Variants in UNC45B observed in about 807,000 individuals in gnomAD.
UNC45B encodes the protein protein unc-45 homolog B.
In UNC45B, 78 loss-of-function variants were observed where a neutral mutation model predicts 98.7. The observed-to-expected ratio is 0.79, with a 90% confidence interval of 0.66 to 0.95. The LOEUF is 0.95. UNC45B is among the 40% of genes least tolerant of loss of function. The pLI, the probability that UNC45B is intolerant of heterozygous loss-of-function variation, is 0.00. For synonymous variants in UNC45B, 462 were observed against 480.4 expected (o/e 0.96, Z 0.50); for missense variants, 1,225 against 1,184.9 (o/e 1.03, Z -0.50).
chr17:35,148,149 C>T, intron 1 of UNC45B, 115 bp from the exon 2 acceptor site: 1 of 1,189,370 alleles, frequency 8.4e-7, no homozygotes, highest in Non-Finnish European at 1.2e-6. Flanking sequence ...CAGGCAGAAT[C>T]CCCACCATCC....
chr17:35,152,259 A>C (rs2092025224), intron 4 of UNC45B, among the ~76,000 whole-genome samples: 1 of 152,162 alleles, frequency 6.6e-6, no homozygotes, highest in Admixed American at 6.5e-5. Context: ...AAAAAAAATT[A>C]AAAATTAAAA....
chr17:35,155,478 T>C lies in UNC45B; in HGVS notation c.808+14T>C. ...CCCTGGTTCTAGGTAGGAAACATTCTTCAGTTTTGATTCAAGGGGATGGGG... is the reference window on the plus strand; with the variant it reads ...CCCTGGTTCTAGGTAGGAAACATTCCTCAGTTTTGATTCAAGGGGATGGGG... On this transcript the variant is annotated intron_variant, in intron 7 of 19. Transcript: ENST00000394570. 1 of 1,612,904 alleles carries C rather than the reference T, an allele frequency of 6.2e-7. No individual in the cohort carries two copies. The highest frequency in any genetic ancestry group is 1.1e-5 in the South Asian group (1 of 90,988).
intron 2 of UNC45B, 118 bp from the exon 3 acceptor site, chr17:35,148,855 C>A: frequency 7.9e-7 from 1 of 1,261,664 alleles, no homozygotes; most frequent in Non-Finnish European, 1.1e-6. Flanking sequence ...TGCCCTGGGC[C>A]TCTGACAGCC....
At chr17:35,167,180 G>C (rs1050167095) in intron 9 of UNC45B, among the ~76,000 whole-genome samples, 15 of 152,214 alleles carry the variant, frequency 9.9e-5, no homozygotes, top group Non-Finnish European at 1.8e-4. Flanking sequence ...AGGCCTTTTT[G>C]TGTTGTTGTC....
intron 6 of UNC45B, 55 bp downstream of exon 6, chr17:35,154,796 G>C (rs1437616265): frequency 6.7e-7 from 1 of 1,500,074 alleles, no homozygotes; most frequent in Non-Finnish European, 8.8e-7. Flanking sequence ...CCAAGGATCC[G>C]GAGGGTGACG....
intron 5 of UNC45B, among the ~76,000 whole-genome samples, chr17:35,153,487 T>A (rs1279742916): frequency 6.7e-6 from 1 of 148,954 alleles, no homozygotes; most frequent in East Asian, 1.9e-4. Flanking sequence ...CTTGTTACCT[T>A]TTTTTTTTAT....
intron 18 of UNC45B, among the ~76,000 whole-genome samples, chr17:35,182,772 G>A (rs2092281820): frequency 6.6e-6 from 1 of 152,074 alleles, no homozygotes; most frequent in African/African-American, 2.4e-5. Flanking sequence ...CCCTTTTGGA[G>A]TTCCACTTCT....
At position 35,148,286 on chromosome 17, in the gene UNC45B, A is replaced by G. The variant is rs1221608875; in HGVS notation, c.23A>G (p.Gln8Arg). The G allele has an allele frequency of 6.2e-7, 1 of 1,614,066 alleles. No homozygotes were observed. Residue 8 changes from glutamine (Q) to arginine (R), a missense_variant, in exon 2 of 20, where the codon CAG becomes CGG. Physicochemically the swap from Gln to Arg is conservative, Grantham distance 43. Coordinates refer to ENST00000394570, the MANE Select transcript of UNC45B (RefSeq NM_001267052.2). ...CAGATGGCAGAGGTGGAAGCGGTAC[A>G]GCTGAAGGAGGAAGGAAACCGGCAT... MAEVEAV[Q>R]LKEEGNRHFQ... is the part of the protein sequence containing the mutation.
rs1341280781 is a variant in UNC45B, at chr17:35,150,154, C to T, written c.312C>T (p.Ala104=). 5.0e-6 allele frequency: 8 copies of T among 1,613,692 alleles called. No individual in the cohort carries two copies. The highest frequency in any genetic ancestry group is 6.8e-6 in the Non-Finnish European group (8 of 1,179,842). The change falls in exon 4 of 20, where the codon GCC becomes GCT. Residue 104 remains alanine (A), a synonymous_variant. Transcript: ENST00000394570. ...DQAFKDVQRC[A]TLEPRNQNFQ... is the part of the protein sequence containing the mutation. ...CCTTCAAAGACGTGCAGCGTTGTGC[C>T]ACCCTCGAGCCACGGAACCAGAACT... is the stretch of plus-strand genomic sequence containing the variant.
At chr17:35,178,137 T>C (rs2092249135) in intron 17 of UNC45B, among the ~76,000 whole-genome samples, 2 of 152,166 alleles carry the variant, frequency 1.3e-5, no homozygotes, top group South Asian at 4.1e-4. Flanking sequence ...TGACCTCAGG[T>C]GATCTGCCCG....
chr17:35,162,338 G>A (rs2142550715), intron 8 of UNC45B, among the ~76,000 whole-genome samples: 1 of 152,308 alleles, frequency 6.6e-6, no homozygotes, highest in East Asian at 1.9e-4. Context: ...TGAATTGTAG[G>A]ACACCCATCC....
rs1303903235 is a variant in UNC45B at position 35,177,309 on chromosome 17, C to T, written c.2139+179C>T. On this transcript the variant is annotated intron_variant, in intron 16 of 19. Transcript: ENST00000394570. ...TTCTGCCTCTGACAAACCGGATTGC[C>T]CTCTCCAAAATTCAGTTATCCTATC... is the stretch of plus-strand genomic sequence containing the variant. Among the ~76,000 whole-genome samples the T allele has an allele frequency of 6.6e-5, 10 of 152,262 alleles. No individual in the cohort carries two copies. The East Asian group carries it at 1.7e-3, about 26-fold the overall frequency.
In UNC45B at chr17:35,159,172, G is replaced by A. The variant is rs2046237; in HGVS notation, c.809-203G>A. On this transcript the variant is annotated intron_variant, in intron 7 of 19. Transcript: ENST00000394570. ...GTAGAAGTCAGGGTTCAGGGTGGCTGGAGGACCACTTGGGGGTGTTGTCTA... is the reference window on the plus strand; with the variant it reads ...GTAGAAGTCAGGGTTCAGGGTGGCTAGAGGACCACTTGGGGGTGTTGTCTA... 0.18 allele frequency among the ~76,000 whole-genome samples: 27,769 copies of A among 152,064 alleles called. 3,142 individuals carry two copies. The highest frequency in any genetic ancestry group is 0.31 in the African/African-American group (13,024 of 41,452).
chr17:35,158,364 G>T (rs1191260297), intron 7 of UNC45B, among the ~76,000 whole-genome samples: 3 of 152,132 alleles, frequency 2.0e-5, no homozygotes, highest in Non-Finnish European at 2.9e-5. Flanking sequence ...GGCCAGCTTG[G>T]GTTTCTATAG....
At chr17:35,186,241 T>A in intron 19 of UNC45B, 58 bp from the exon 20 acceptor site, 1 of 1,589,862 alleles carries the variant, frequency 6.3e-7, no homozygotes, top group Non-Finnish European at 8.6e-7. Context: ...TTCCAACACA[T>A]GAACTCTGGG....
chr17:35,172,841 T>C (rs996127879), intron 13 of UNC45B, among the ~76,000 whole-genome samples: 1 of 152,152 alleles, frequency 6.6e-6, no homozygotes, highest in Non-Finnish European at 1.5e-5. Context: ...AAAAACAATA[T>C]ACGCATCATT....
chr17:35,150,244 C>T (rs2092007839), intron 4 of UNC45B, 21 bp downstream of exon 4: 4 of 1,593,084 alleles, frequency 2.5e-6, no homozygotes, highest in African/African-American at 1.3e-5. Context: ...CCTCTTCCCA[C>T]AACCCTTGGC....
chr17:35,164,601 C>G (rs2092125387), intron 9 of UNC45B: 1 of 153,612 alleles, frequency 6.5e-6, no homozygotes, highest in Admixed American at 6.5e-5. Context: ...AGACACATGT[C>G]ATCACTTCCG....
chr17:35,149,344 A>G (rs1022555653), intron 3 of UNC45B, among the ~76,000 whole-genome samples: 4 of 152,094 alleles, frequency 2.6e-5, no homozygotes, highest in Non-Finnish European at 4.4e-5. Context: ...GGAGAGGGAA[A>G]TGTTTTCTGA....
Sources: allele counts gnomAD v4.1 joint callset (sites outside exome capture counted in the v4.1 genomes callset), GRCh38; gene constraint gnomAD v4.1.1; transcripts MANE v1.5; gene names NCBI Gene and HGNC (gene_info 2026-07-23, HGNC 2026-07-21).